Variants in FSIP2 observed in about 807,000 individuals in gnomAD.
FSIP2 encodes fibrous sheath interacting protein 2, also known as fibrous sheath-interacting protein 2.
FSIP2 carries 367 observed loss-of-function variants against 510.5 expected under a neutral mutation model. That is an observed-to-expected ratio of 0.72 (90% CI 0.66 to 0.78). FSIP2 has a LOEUF of 0.78. FSIP2 is among the 30% of genes least tolerant of loss of function. The pLI, the probability that FSIP2 is intolerant of heterozygous loss-of-function variation, is 0.00. For missense variants in FSIP2, 7,594 were observed against 7,901.7 expected, an observed-to-expected ratio of 0.96 and a Z score of 1.48; for synonymous variants, 2,601 against 2,732.2, an observed-to-expected ratio of 0.95 and a Z score of 1.50.
intron 20 of FSIP2, among the ~76,000 whole-genome samples, chr2:185,825,600 T>A (rs1195319592): frequency 2.0e-5 from 3 of 151,864 alleles, no homozygotes; most frequent in African/African-American, 4.8e-5. Flanking sequence ...TCCATCTGCA[T>A]CCCACATCTC....
chr2:185,792,439 A>G lies in FSIP2; in HGVS notation c.5303A>G (p.Lys1768Arg). 6.5e-7 allele frequency: 1 copy of G among 1,533,176 alleles called. No individual in the cohort carries two copies. The allele number at this position is 1,533,176 out of a possible 1,614,324, so 95.0% of individuals were successfully genotyped here. The change falls in exon 16 of 23, where the codon AAA (lysine) becomes AGA (arginine). Residue 1768 changes from lysine to arginine, a missense_variant. Physicochemically the swap from Lys to Arg is conservative, Grantham distance 26. Transcript: ENST00000424728. The stretch of plus-strand genomic sequence containing the variant: ...AAAACCTTAAACAAAATTGAAGTAA[A>G]ACTCAAAGAACCACATATATCTCCA... ...LEKTLNKIEV[K>R]LKEPHISPIA...
chr2:185,830,681 C>T (rs1024814032), intron 21 of FSIP2, among the ~76,000 whole-genome samples: 3 of 151,778 alleles, frequency 2.0e-5, no homozygotes, highest in African/African-American at 7.3e-5. Context: ...GTTCGGTATA[C>T]ATGCAACCAT....
Position 185,805,305 on chromosome 2 carries a change from T to A in FSIP2, c.15999T>A (p.Asn5333Lys). 6.3e-7 allele frequency: 1 copy of A among 1,596,108 alleles called. No individual in the cohort carries two copies. Among genetic ancestry groups the A allele is most frequent in the South Asian group, 1.1e-5 (1 of 87,148 alleles). The change falls in exon 17 of 23, where the codon AAT becomes AAA. Residue 5333 changes from asparagine (N) to lysine (K), a missense_variant. Transcript: ENST00000424728. ...FKKSDIKVLP[N>K]AEKMFSFPPI... ...AAAGTGATATTAAAGTTTTACCAAA[T>A]GCTGAAAAAATGTTTTCTTTTCCAC...
At chr2:185,814,515 C>A (rs1197545691) in intron 18 of FSIP2, among the ~76,000 whole-genome samples, 1 of 152,018 alleles carries the variant, frequency 6.6e-6, no homozygotes, top group African/African-American at 2.4e-5. Flanking sequence ...AGTTATATAA[C>A]CAGCTTATCC....
intron 9 of FSIP2, among the ~76,000 whole-genome samples, chr2:185,758,001 AC>A (rs1230617705): frequency 6.6e-6 from 1 of 150,950 alleles, no homozygotes; most frequent in Non-Finnish European, 1.5e-5. Context: ...TAGTTATGTT[AC>A]CTCTGGGATT....
chr2:185,773,156 C>A (rs1424880848), intron 13 of FSIP2, among the ~76,000 whole-genome samples: 1 of 152,164 alleles, frequency 6.6e-6, no homozygotes, highest in Non-Finnish European at 1.5e-5. Flanking sequence ...TCCAACACGC[C>A]AGGCCCAGAG....
chr2:185,741,099 A>G (rs1691914055), intron 2 of FSIP2, among the ~76,000 whole-genome samples: 1 of 152,204 alleles, frequency 6.6e-6, no homozygotes, highest in South Asian at 2.1e-4. Context: ...TTATTCCATT[A>G]CAGGTGATAT....
At chr2:185,742,806 C>A (rs1175845235) in intron 2 of FSIP2, among the ~76,000 whole-genome samples, 1 of 152,146 alleles carries the variant, frequency 6.6e-6, no homozygotes, top group Non-Finnish European at 1.5e-5. Context: ...AGAATCCTAG[C>A]GTTGGCTTTG....
At position 185,809,109 on chromosome 2, in the gene FSIP2, A is replaced by G. The variant is rs1693667500; in HGVS notation, c.19803A>G (p.Gly6601=). ...GACGTACCTCATTGGATAAGACTGG[A>G]AGACTGGATGTAAAACCCCTAGAGG... ...TERRTSLDKT[G]RLDVKPLEAV... Residue 6601 remains glycine, a synonymous_variant, in exon 17 of 23, where the codon GGA becomes GGG. Coordinates refer to ENST00000424728, the MANE Select transcript of FSIP2 (RefSeq NM_173651.4). 3 of 1,577,124 alleles carry G rather than the reference A, an allele frequency of 1.9e-6. No homozygotes were observed.
At chr2:185,832,736 T>A (rs1256363932) in intron 22 of FSIP2, among the ~76,000 whole-genome samples, 1 of 151,874 alleles carries the variant, frequency 6.6e-6, no homozygotes, top group African/African-American at 2.4e-5. Flanking sequence ...TTGGGGTCAG[T>A]CAATGGAAAA....
chr2:185,739,271 A>G (rs2105521953), intron 1 of FSIP2, 75 bp from the exon 2 acceptor site: 3 of 1,390,544 alleles, frequency 2.2e-6, no homozygotes, highest in South Asian at 2.9e-5. Flanking sequence ...TTTGGTTGCA[A>G]TGGAAGTAGA....
In FSIP2 at chr2:185,743,410, A is replaced by G. The variant is rs1221372212; in HGVS notation, c.387+116A>G. 4 of 499,814 alleles carry G rather than the reference A, an allele frequency of 8.0e-6. No homozygotes were observed. In the South Asian group the frequency reaches 1.4e-4, roughly 18 times the overall value. The allele number at this position is 499,814 out of a possible 1,614,324, so 31.0% of individuals were successfully genotyped here. A position where few individuals can be genotyped will look rare whatever the true frequency, so the allele number is the denominator to read the frequency against. ...TCACTTTTAACTTGGTCATGAGACA[A>G]TACTTAATAGGCAGTTCTATAAATT... is the stretch of plus-strand genomic sequence containing the variant. On this transcript the variant is annotated intron_variant, in intron 3 of 22. Coordinates refer to ENST00000424728, the MANE Select transcript of FSIP2 (RefSeq NM_173651.4).
chr2:185,787,075 T>G (rs2105605366), intron 15 of FSIP2, among the ~76,000 whole-genome samples: 1 of 151,934 alleles, frequency 6.6e-6, no homozygotes, highest in Non-Finnish European at 1.5e-5. Flanking sequence ...GTTTATCATC[T>G]CCAGTAATAA....
intron 19 of FSIP2, 71 bp downstream of exon 19, chr2:185,815,542 TG>T (rs1693810618): frequency 3.3e-6 from 2 of 606,032 alleles, no homozygotes; most frequent in Non-Finnish European, 5.8e-6. Flanking sequence ...ATGGGGCCCC[TG>T]GCAAAACTGT....
Position 185,756,519 on chromosome 2 carries a change from T to G in FSIP2, c.1078+241T>G, listed in dbSNP as rs563999939. Among the ~76,000 whole-genome samples, 7 of 151,608 alleles carry G rather than the reference T, an allele frequency of 4.6e-5. No homozygotes were observed. In the East Asian group the frequency reaches 1.4e-3, roughly 29 times the overall value. On this transcript the variant is annotated intron_variant, in intron 9 of 22. Transcript: ENST00000424728. ...TATATTATTATTTTAGAAAATTAAA[T>G]GAAGGTTATGTTACTATTAAATATA... is the stretch of plus-strand genomic sequence containing the variant.
In FSIP2 at chr2:185,743,198, T is replaced by A; in HGVS notation, c.291T>A (p.Tyr97Ter). Reference protein sequence around the residue: ...DPYCRLLENQYKSLHDPHLKA... With the variant: ...DPYCRLLENQ Reference sequence around the variant, plus strand: ...ATTGTCGACTTTTGGAAAACCAATATAAAAGCCTCCATGATCCACATTTAA... The same window carrying A: ...ATTGTCGACTTTTGGAAAACCAATAAAAAAGCCTCCATGATCCACATTTAA... Residue 97 changes from tyrosine (Y) to a stop codon, truncating the protein, a stop_gained, in exon 3 of 23, where the codon TAT becomes TAA. Transcript: ENST00000424728. LOFTEE classifies it high-confidence loss of function. 6.5e-7 allele frequency: 1 copy of A among 1,530,960 alleles called. No homozygotes were observed. Among genetic ancestry groups the A allele is most frequent in the Non-Finnish European group, 8.7e-7 (1 of 1,144,664 alleles). The allele number at this position is 1,530,960 out of a possible 1,614,324, so 94.8% of individuals were successfully genotyped here.
chr2:185,807,408 A>C lies in FSIP2; in HGVS notation c.18102A>C (p.Lys6034Asn), dbSNP rs1349844014. 39 of 1,608,656 alleles carry C rather than the reference A, an allele frequency of 2.4e-5. No individual in the cohort carries two copies. Among genetic ancestry groups the C allele is most frequent in the Non-Finnish European group, 3.0e-5 (35 of 1,178,556 alleles). The change falls in exon 17 of 23, where the codon AAA becomes AAC. Residue 6034 changes from lysine (K) to asparagine (N), a missense_variant. Lys to Asn is a moderately conservative substitution (Grantham distance 94). Coordinates refer to ENST00000424728, the MANE Select transcript of FSIP2 (RefSeq NM_173651.4). ...IFSTISSTKT[K>N]EPEDNLSTEL... ...CAACAATATCCAGCACAAAAACAAA[A>C]GAACCTGAGGACAATTTGTCCACAG...
chr2:185,769,405 T>C (rs988042274), intron 13 of FSIP2, among the ~76,000 whole-genome samples: 8 of 152,362 alleles, frequency 5.3e-5, no homozygotes, highest in Non-Finnish European at 1.0e-4. Context: ...TTTTTAAATA[T>C]GCTGCTGACT....
rs1175851271 is a variant in FSIP2, at chr2:185,790,200, G to C, written c.3064G>C (p.Asp1022His). 22 of 1,530,594 alleles carry C rather than the reference G, an allele frequency of 1.4e-5. No individual in the cohort carries two copies. In the Admixed American group the frequency reaches 4.2e-4, roughly 29 times the overall value. 94.8% of individuals were successfully genotyped at this position (1,530,594 alleles called of 1,614,324 possible). A position where few individuals can be genotyped will look rare whatever the true frequency, so the allele number is the denominator to read the frequency against. Residue 1022 changes from aspartate (D) to histidine (H), a missense_variant, in exon 16 of 23, where the codon GAT becomes CAT. By Grantham distance (81) the Asp-to-His change is moderately conservative. Coordinates refer to ENST00000424728, the MANE Select transcript of FSIP2 (RefSeq NM_173651.4). ...AAATGTGCTTGATTCAACTTTCAAA[G>C]ATGAAAAAGTAAAATCACAAGAACA... is the stretch of plus-strand genomic sequence containing the variant. ...VKNVLDSTFKDEKVKSQEQIP... is the reference protein window; with the variant it reads ...VKNVLDSTFKHEKVKSQEQIP...
Sources: allele counts gnomAD v4.1 joint callset (sites outside exome capture counted in the v4.1 genomes callset), GRCh38; gene constraint gnomAD v4.1.1; transcripts MANE v1.5; gene names NCBI Gene and HGNC (gene_info 2026-07-23, HGNC 2026-07-21).